The following CROT variants were observed in gnomAD, a reference collection of about 807,000 sequenced individuals.
The protein encoded by CROT is carnitine O-octanoyltransferase.
CROT carries 84 observed loss-of-function variants against 89.2 expected under a neutral mutation model. That is an observed-to-expected ratio of 0.94 (90% confidence interval 0.79 to 1.13). The LOEUF is 1.13. CROT is among the 50% of genes most tolerant of loss of function. CROT has a pLI of 0.00. For synonymous variants in CROT, 212 were observed against 239.5 expected, an observed-to-expected ratio of 0.89 and a Z score of 1.06; for missense variants, 711 against 727.8, an observed-to-expected ratio of 0.98 and a Z score of 0.27.
intron 6 of CROT, among the ~76,000 whole-genome samples, chr7:87,368,738 C>T (rs1009150114): frequency 1.3e-5 from 2 of 152,062 alleles, no homozygotes; most frequent in Non-Finnish European, 2.9e-5. Flanking sequence ...AGATCCTTGG[C>T]AAAAGGACAA....
At chr7:87,349,429 TA>T (rs1156896623) in intron 3 of CROT, among the ~76,000 whole-genome samples, 2 of 152,300 alleles carry the variant, frequency 1.3e-5, no homozygotes, top group South Asian at 2.1e-4. Context: ...TTTTCTTACA[TA>T]GGGGTCTTAT....
intron 9 of CROT, among the ~76,000 whole-genome samples, chr7:87,376,705 AG>A (rs1806822352): frequency 6.6e-6 from 1 of 151,902 alleles, no homozygotes; most frequent in African/African-American, 2.4e-5. Flanking sequence ...TGTTGTTCAA[AG>A]TTTTTTGACC....
chr7:87,383,631 G>A (rs1001574976), intron 13 of CROT, among the ~76,000 whole-genome samples: 4 of 151,838 alleles, frequency 2.6e-5, no homozygotes, highest in African/African-American at 9.7e-5. Flanking sequence ...TGAGTAGCTG[G>A]GATTACAGGT....
chr7:87,359,795 A>G (rs1806215825), intron 4 of CROT: 31 of 983,334 alleles, frequency 3.2e-5, no homozygotes, highest in Non-Finnish European at 3.5e-5. Flanking sequence ...TATTTCAGTT[A>G]GATAAATTGA....
chr7:87,397,518 T>A (rs572564512), intron 17 of CROT, among the ~76,000 whole-genome samples: 98 of 152,300 alleles, frequency 6.4e-4, no homozygotes, highest in South Asian at 2.1e-3. Context: ...GAAATTTTTT[T>A]AAAAAATTGA....
intron 3 of CROT, chr7:87,354,324 G>T (rs914498063): frequency 3.9e-6 from 2 of 512,064 alleles, no homozygotes; most frequent in African/African-American, 3.9e-5. Context: ...ATTCTGCAGT[G>T]TGACTACTTC....
chr7:87,382,062 C>T lies in CROT; in HGVS notation c.1063-12C>T, dbSNP rs763463041. The T allele has an allele frequency of 1.9e-6, 3 of 1,592,776 alleles. No homozygotes were observed. The highest frequency in any genetic ancestry group is 2.3e-5 in the South Asian group (2 of 88,652). ...TATAGATAAAATATTTTTAAGTCTTCCCTATTTTCAGGGTTCAGAGAAGGT... is the reference window on the plus strand; with the variant it reads ...TATAGATAAAATATTTTTAAGTCTTTCCTATTTTCAGGGTTCAGAGAAGGT... On this transcript the variant is annotated splice_polypyrimidine_tract_variant and intron_variant, in intron 11 of 17. Coordinates refer to ENST00000331536, the MANE Select transcript of CROT (RefSeq NM_021151.4).
At chr7:87,359,365 T>G (rs1029236117) in intron 4 of CROT, 35 bp downstream of exon 4, 7 of 1,544,472 alleles carry the variant, frequency 4.5e-6, no homozygotes, top group Admixed American at 2.1e-5. Context: ...TGATGATGTT[T>G]AAAGAATGAT....
At chr7:87,396,071 T>C (rs1284268986) in intron 17 of CROT, among the ~76,000 whole-genome samples, 1 of 152,108 alleles carries the variant, frequency 6.6e-6, no homozygotes, top group Non-Finnish European at 1.5e-5. Flanking sequence ...ACAGAGCCAG[T>C]CTAGGAAATC....
At chr7:87,374,473 C>A (rs1268323521) in intron 7 of CROT, among the ~76,000 whole-genome samples, 1 of 151,896 alleles carries the variant, frequency 6.6e-6, no homozygotes, top group Non-Finnish European at 1.5e-5. Context: ...GCAACAAGTA[C>A]CATATGGAGA....
intron 14 of CROT, 111 bp from the exon 15 acceptor site, chr7:87,392,455 A>C: frequency 2.5e-6 from 2 of 785,586 alleles, no homozygotes; most frequent in Non-Finnish European, 2.2e-6. Context: ...TCTTCCTAGA[A>C]ATCTTTCCTC....
At chr7:87,364,471 C>A (rs1388627891) in intron 6 of CROT, among the ~76,000 whole-genome samples, 1 of 152,090 alleles carries the variant, frequency 6.6e-6, no homozygotes, top group African/African-American at 2.4e-5. Flanking sequence ...ATGATGTGGA[C>A]AGAGGTTGCC....
chr7:87,393,042 T>G lies in CROT; in HGVS notation c.1693T>G (p.Phe565Val). 6.2e-7 allele frequency: 1 copy of G among 1,613,494 alleles called. No individual in the cohort carries two copies. The highest frequency in any genetic ancestry group is 1.1e-5 in the South Asian group (1 of 91,046). Residue 565 changes from phenylalanine to valine, a missense_variant, in exon 17 of 18, where the codon TTT (phenylalanine) becomes GTT (valine). Phe to Val is a conservative substitution (Grantham distance 50). Coordinates refer to ENST00000331536, the MANE Select transcript of CROT (RefSeq NM_021151.4). ...TCCCATGGTACACAATGGTTATGGA[T>G]TTTTCTACCATATCAGAGATGACAG... Reference protein sequence around the residue: ...VVPMVHNGYGFFYHIRDDRFV... With the variant: ...VVPMVHNGYGVFYHIRDDRFV...
At chr7:87,387,209 C>A (rs1235106190) in intron 13 of CROT, among the ~76,000 whole-genome samples, 1 of 151,712 alleles carries the variant, frequency 6.6e-6, no homozygotes, top group Non-Finnish European at 1.5e-5. Context: ...AAGAGTGAAG[C>A]CAGATTGCTT....
intron 7 of CROT, among the ~76,000 whole-genome samples, chr7:87,371,951 G>A (rs564888864): frequency 2.1e-5 from 3 of 141,930 alleles, no homozygotes; most frequent in East Asian, 4.1e-4. Context: ...CTGTGATTAC[G>A]CCACTGCACT....
At chr7:87,386,101 A>G (rs1034950512) in intron 13 of CROT, among the ~76,000 whole-genome samples, 3 of 152,108 alleles carry the variant, frequency 2.0e-5, no homozygotes, top group Non-Finnish European at 2.9e-5. Context: ...ATCTGTGTTC[A>G]TCTGGGATAC....
intron 6 of CROT, among the ~76,000 whole-genome samples, chr7:87,368,231 C>T (rs1474611258): frequency 1.3e-5 from 2 of 152,230 alleles, no homozygotes; most frequent in African/African-American, 4.8e-5. Context: ...CAGTTTTCTG[C>T]TCAAATATCC....
At chr7:87,356,737 A>G (rs1806085111) in intron 3 of CROT, among the ~76,000 whole-genome samples, 1 of 152,178 alleles carries the variant, frequency 6.6e-6, no homozygotes, top group South Asian at 2.1e-4. Flanking sequence ...ATATAGCAAG[A>G]ACAGGCTGGG....
At chr7:87,362,432 G>T (rs1806312713) in intron 6 of CROT, among the ~76,000 whole-genome samples, 1 of 151,946 alleles carries the variant, frequency 6.6e-6, no homozygotes, top group Non-Finnish European at 1.5e-5. Flanking sequence ...GAGTGGCTGG[G>T]ACTATAGGCA....
Sources: gnomAD v4.1 joint callset for allele counts (sites outside exome capture counted in the v4.1 genomes callset) on GRCh38, gnomAD v4.1.1 for gene constraint, MANE v1.5 for transcripts, NCBI Gene and HGNC (gene_info 2026-07-23, HGNC 2026-07-21) for gene names.